The following PSTPIP2 variants were observed in gnomAD, a reference collection of about 807,000 sequenced individuals.
PSTPIP2 encodes proline-serine-threonine phosphatase-interacting protein 2.
Under a neutral mutation model 63.3 loss-of-function variants are expected in PSTPIP2, and 33 were observed. The observed-to-expected ratio is 0.52, with a 90% CI of 0.40 to 0.70. The LOEUF is 0.70. Among genes scored for constraint, PSTPIP2 ranks in the 30% least tolerant of loss-of-function variants. The probability of loss-of-function intolerance (pLI) is 0.00; values close to 1 mark genes in which losing one functional copy is unlikely to be tolerated. For missense variants in PSTPIP2, 312 were observed against 400.7 expected, an observed-to-expected ratio of 0.78 and a Z score of 1.89; for synonymous variants, 125 against 132.7, an observed-to-expected ratio of 0.94 and a Z score of 0.40.
intron 1 of PSTPIP2, among the ~76,000 whole-genome samples, chr18:46,057,027 C>T (rs748208170): frequency 3.9e-5 from 6 of 151,984 alleles, no homozygotes; most frequent in Admixed American, 6.5e-5. Context: ...CTGCTTGAAC[C>T]GGGGAGGCGG....
At chr18:46,067,595 A>G (rs1909239161) in intron 1 of PSTPIP2, among the ~76,000 whole-genome samples, 1 of 152,148 alleles carries the variant, frequency 6.6e-6, no homozygotes, top group African/African-American at 2.4e-5. Flanking sequence ...TAACCTAACT[A>G]AGAGTATATT....
intron 14 of PSTPIP2, among the ~76,000 whole-genome samples, chr18:45,987,138 C>A (rs912761936): frequency 6.6e-6 from 1 of 152,186 alleles, no homozygotes; most frequent in African/African-American, 2.4e-5. Context: ...TGTGCCCAGT[C>A]ATTAGCTGAT....
At chr18:45,995,693 G>A (rs759021548) in intron 9 of PSTPIP2, among the ~76,000 whole-genome samples, 1 of 152,236 alleles carries the variant, frequency 6.6e-6, no homozygotes, top group Non-Finnish European at 1.5e-5. Context: ...CCCAGATGCT[G>A]CAGGCTGGGG....
chr18:46,044,521 A>T (rs1363333692), intron 1 of PSTPIP2, among the ~76,000 whole-genome samples: 1 of 152,252 alleles, frequency 6.6e-6, no homozygotes, highest in Admixed American at 6.5e-5. Flanking sequence ...GATGGATTAA[A>T]GACTTAAACA....
At position 46,056,995 on chromosome 18, in the gene PSTPIP2, T is replaced by G. The variant is rs921083044; in HGVS notation, c.33+15161A>C. Among the ~76,000 whole-genome samples, 8 of 151,962 alleles carry G rather than the reference T, an allele frequency of 5.3e-5. 1 individual carries two copies. The highest frequency in any genetic ancestry group is 1.7e-4 in the African/African-American group (7 of 41,374). On this transcript the variant is annotated intron_variant, in intron 1 of 14. Transcript: ENST00000409746. ...GGTGGGTACCTGTAATCCCAGCTAC[T>G]TGGGAGGCTGAGGCAGGAGAACTGC...
intron 2 of PSTPIP2, among the ~76,000 whole-genome samples, chr18:46,039,354 T>C (rs1908102204): frequency 6.6e-6 from 1 of 152,100 alleles, no homozygotes; most frequent in Admixed American, 6.5e-5. Context: ...CATGATCGGC[T>C]TCACAGCTTT....
chr18:46,016,026 A>G (rs1052146913), intron 3 of PSTPIP2, 89 bp from the exon 4 acceptor site: 16 of 1,450,058 alleles, frequency 1.1e-5, no homozygotes, highest in South Asian at 4.9e-5. Flanking sequence ...CTCTCTGCCC[A>G]TATCTTAACT....
At chr18:46,018,383 G>C (rs2051873998) in intron 3 of PSTPIP2, among the ~76,000 whole-genome samples, 1 of 151,914 alleles carries the variant, frequency 6.6e-6, no homozygotes, top group African/African-American at 2.4e-5. Context: ...GCTTAGAGAG[G>C]TATCTTTCGT....
intron 6 of PSTPIP2, among the ~76,000 whole-genome samples, chr18:46,003,687 C>G (rs534783403): frequency 7.9e-5 from 12 of 151,702 alleles, no homozygotes; most frequent in African/African-American, 2.2e-4. Context: ...CCCAGGGAAC[C>G]CTTGTCAGGT....
intron 5 of PSTPIP2, among the ~76,000 whole-genome samples, chr18:46,007,425 A>G (rs965667087): frequency 1.3e-5 from 2 of 152,240 alleles, no homozygotes; most frequent in Non-Finnish European, 2.9e-5. Context: ...CAAGGTTCCA[A>G]GAGGAGCCCA....
At chr18:46,016,555 C>T (rs1298383719) in intron 3 of PSTPIP2, among the ~76,000 whole-genome samples, 2 of 151,910 alleles carry the variant, frequency 1.3e-5, no homozygotes, top group African/African-American at 2.4e-5. Context: ...ACAAGACAGA[C>T]CTTATCCCAG....
chr18:46,014,992 G>A (rs1332621322), intron 4 of PSTPIP2, among the ~76,000 whole-genome samples: 3 of 152,146 alleles, frequency 2.0e-5, no homozygotes, highest in Non-Finnish European at 4.4e-5. Flanking sequence ...CCCGCAATAT[G>A]GAAAGGGACA....
chr18:46,049,520 GAA>G (rs1568229233), intron 1 of PSTPIP2, among the ~76,000 whole-genome samples: 1 of 151,808 alleles, frequency 6.6e-6, no homozygotes, highest in African/African-American at 2.4e-5. Context: ...AAATAAGGAG[GAA>G]AAAAGAGCAA....
At chr18:46,004,949 G>A (rs1481363943) in intron 6 of PSTPIP2, among the ~76,000 whole-genome samples, 4 of 152,080 alleles carry the variant, frequency 2.6e-5, no homozygotes, top group African/African-American at 7.3e-5. Flanking sequence ...GCAAAGACAC[G>A]GAATCAACCT....
chr18:46,042,143 G>A (rs548672316), intron 1 of PSTPIP2, among the ~76,000 whole-genome samples: 1 of 152,252 alleles, frequency 6.6e-6, no homozygotes, highest in East Asian at 1.9e-4. Flanking sequence ...TACAAGTTAC[G>A]AATCTAAGTT....
At chr18:45,990,592 G>C in intron 13 of PSTPIP2, 130 bp downstream of exon 13, 1 of 703,780 alleles carries the variant, frequency 1.4e-6, no homozygotes, top group East Asian at 3.0e-5. Context: ...ACCACACCCA[G>C]CTAATTTTTG....
intron 3 of PSTPIP2, among the ~76,000 whole-genome samples, chr18:46,017,656 T>C (rs2144089140): frequency 6.6e-6 from 1 of 152,286 alleles, no homozygotes; most frequent in South Asian, 2.1e-4. Context: ...CAAATAAAAA[T>C]TGTATATATT....
In PSTPIP2 at chr18:45,990,370, T is replaced by A. The variant is rs529104910; in HGVS notation, c.955+352A>T. On this transcript the variant is annotated intron_variant, in intron 13 of 14. Transcript: ENST00000409746. ...ATTCCCTTTATTTCAAAGTTCTAGC[T>A]ATTTAATTTTAAAGAAAACCCAATA... is the stretch of plus-strand genomic sequence containing the variant. Among the ~76,000 whole-genome samples the A allele has an allele frequency of 7.2e-5, 11 of 152,326 alleles. No homozygotes were observed. In the East Asian group the frequency reaches 2.1e-3, roughly 29 times the overall value.
chr18:46,006,360 C>CTTTTTTTTT lies in PSTPIP2; in HGVS notation c.355-838_355-830dup, dbSNP rs756384731. On this transcript the variant is annotated intron_variant, in intron 5 of 14. Transcript: ENST00000409746. ...TGAGCCACCATGCCCAGCCCTGGTA[C>CTTTTTTTTT]TTTTTTTTTTTTTTTTTTTTTTTTT... is the stretch of plus-strand genomic sequence containing the variant. Among the ~76,000 whole-genome samples, 24 of 115,628 alleles carry CTTTTTTTTT rather than the reference C, an allele frequency of 2.1e-4. 12 individuals carry two copies. Among genetic ancestry groups the CTTTTTTTTT allele is most frequent in the African/African-American group, 3.0e-4 (8 of 27,084 alleles). 75.9% of individuals were successfully genotyped at this position (115,628 alleles called of 152,430 possible).
Sources: gnomAD v4.1 joint callset for allele counts (sites outside exome capture counted in the v4.1 genomes callset) on GRCh38, gnomAD v4.1.1 for gene constraint, MANE v1.5 for transcripts, NCBI Gene and HGNC (gene_info 2026-07-23, HGNC 2026-07-21) for gene names.